The following CERKL variants were observed in gnomAD, a reference collection of about 807,000 sequenced individuals.
The protein encoded by CERKL is ceramide kinase-like protein.
Under a neutral mutation model 63.4 loss-of-function variants are expected in CERKL, and 61 were observed. That is an observed-to-expected ratio of 0.96 (90% confidence interval 0.78 to 1.19). The LOEUF is 1.19. CERKL is among the 50% of genes most tolerant of loss of function. The probability of loss-of-function intolerance (pLI) is 0.00; values close to 1 mark genes in which losing one functional copy is unlikely to be tolerated. For synonymous variants in CERKL, 250 were observed against 230.5 expected (o/e 1.08, Z -0.77); for missense variants, 675 against 655.5 (o/e 1.03, Z -0.33).
At position 181,558,203 on chromosome 2, in the gene CERKL, G is replaced by T. The variant is rs560403696; in HGVS notation, c.820+363C>A. Among the ~76,000 whole-genome samples the T allele has an allele frequency of 1.3e-5, 2 of 152,250 alleles. No individual in the cohort carries two copies. The highest frequency in any genetic ancestry group is 4.8e-5 in the African/African-American group (2 of 41,546). ...AGCTAGACTGGAGTGGCCCTGTTTT[G>T]AAACTTCTTACCTGGTACTGTGTAA... On this transcript the variant is annotated intron_variant, in intron 5 of 12. Transcript: ENST00000410087. This position sits in a 1 kb window ranked among gnomAD's most constrained non-coding sequence, Gnocchi z 4.2.
intron 2 of CERKL, among the ~76,000 whole-genome samples, chr2:181,574,931 G>A (rs1689064798): frequency 6.6e-6 from 1 of 152,110 alleles, no homozygotes; most frequent in Admixed American, 6.6e-5. Context: ...GAAGAGATAG[G>A]GTCATGATAA....
At chr2:181,611,776 T>C (rs1685978825) in intron 1 of CERKL, among the ~76,000 whole-genome samples, 2 of 152,228 alleles carry the variant, frequency 1.3e-5, no homozygotes, top group African/African-American at 4.8e-5. Context: ...ATAGAATACA[T>C]ATGTGTAATG....
chr2:181,587,843 G>A (rs1465748644), intron 2 of CERKL, among the ~76,000 whole-genome samples: 4 of 152,042 alleles, frequency 2.6e-5, no homozygotes, highest in African/African-American at 9.7e-5. Flanking sequence ...GTAATTAGGT[G>A]TGGCTTTTAA....
Position 181,539,144 on chromosome 2 carries a change from G to A in CERKL, c.1486C>T (p.Pro496Ser). 1 of 1,609,258 alleles carries A rather than the reference G, an allele frequency of 6.2e-7. No individual in the cohort carries two copies. The highest frequency in any genetic ancestry group is 2.2e-5 in the East Asian group (1 of 44,770). The change falls in exon 12 of 13, where the codon CCT becomes TCT. Residue 496 changes from proline (P) to serine (S), a missense_variant. Pro to Ser is a moderately conservative substitution (Grantham distance 74, BLOSUM62 -1). Coordinates refer to ENST00000410087, the MANE Select transcript of CERKL (RefSeq NM_201548.5). ...ATTAAGTCACCATCTACATTCCAAG[G>A]GAAACAATTTTCTGAAGCAGTTTCA... ...EDETASENCF[P>S]WNVDGDLMEV...
intron 2 of CERKL, among the ~76,000 whole-genome samples, chr2:181,586,027 G>A (rs893700232): frequency 1.2e-4 from 18 of 152,088 alleles, no homozygotes; most frequent in Non-Finnish European, 1.9e-4. Context: ...GAAAGATGAA[G>A]CCAAGACAAA....
intron 2 of CERKL, among the ~76,000 whole-genome samples, chr2:181,602,091 T>C (rs891932904): frequency 6.6e-6 from 1 of 152,226 alleles, no homozygotes; most frequent in African/African-American, 2.4e-5. Context: ...GTTTTTGTTT[T>C]TGACAAGTCC....
chr2:181,641,302 CATATATATATATATATATATATATAT>C (rs1174454591), intron 1 of CERKL, among the ~76,000 whole-genome samples: 10 of 97,116 alleles, frequency 1.0e-4, no homozygotes, highest in Non-Finnish European at 2.1e-5. Flanking sequence ...TATGTGTATG[CATATATATATATATATATATATATAT>C]ATATATATAT....
chr2:181,616,206 A>ATTTTTTTTT (rs35040208), intron 1 of CERKL, among the ~76,000 whole-genome samples: 1 of 110,072 alleles, frequency 9.1e-6, no homozygotes, highest in African/African-American at 3.9e-5. Context: ...AAAAATCTAA[A>ATTTTTTTTT]TTTTTTTTTT....
In CERKL at chr2:181,537,224, C is replaced by CAGGATGGTCTCTAAGGAAATTTACATTT; in HGVS notation, c.*932_*959dup. 2.2e-6 allele frequency: 1 copy of CAGGATGGTCTCTAAGGAAATTTACATTT among 452,934 alleles called. No homozygotes were observed. Among genetic ancestry groups the CAGGATGGTCTCTAAGGAAATTTACATTT allele is most frequent in the South Asian group, 1.6e-5 (1 of 64,470 alleles). 28.1% of individuals were successfully genotyped at this position (452,934 alleles called of 1,614,324 possible). Reference sequence around the variant, plus strand: ...AGCCCCGATTTAGAACTGTCTTCTCCAGGATGGTCTCTAAGGAAATTTACA... The same window carrying CAGGATGGTCTCTAAGGAAATTTACATTT: ...AGCCCCGATTTAGAACTGTCTTCTCCAGGATGGTCTCTAAGGAAATTTACATTTAGGATGGTCTCTAAGGAAATTTACA... On this transcript the variant is annotated 3_prime_UTR_variant, in exon 13 of 13. Transcript: ENST00000410087.
intron 1 of CERKL, among the ~76,000 whole-genome samples, chr2:181,614,453 C>T (rs953678688): frequency 2.6e-5 from 4 of 152,200 alleles, no homozygotes; most frequent in Non-Finnish European, 5.9e-5. Flanking sequence ...CTTATCTATA[C>T]ACCTTTACGG....
chr2:181,625,354 G>A (rs1269272919), intron 1 of CERKL, among the ~76,000 whole-genome samples: 8 of 151,768 alleles, frequency 5.3e-5, no homozygotes, highest in African/African-American at 1.9e-4. Context: ...AGAAAGTTGG[G>A]GGGTGGGGTG....
intron 1 of CERKL, among the ~76,000 whole-genome samples, chr2:181,626,177 A>G (rs967409663): frequency 3.9e-5 from 6 of 152,344 alleles, no homozygotes; most frequent in East Asian, 1.9e-4. Context: ...CTATTATAAT[A>G]CTTCATTTGA....
chr2:181,597,473 GGAAA>G (rs974117729), intron 2 of CERKL, among the ~76,000 whole-genome samples: 8 of 152,290 alleles, frequency 5.3e-5, no homozygotes, highest in Middle Eastern at 6.8e-3. Context: ...GGAAAACTGG[GGAAA>G]GAGAGCCAGG....
intron 1 of CERKL, chr2:181,650,077 AGAAGGGAGGGAGGGAGGGAGGGAG>A (rs2105540242): frequency 1.1e-5 from 1 of 89,432 alleles, no homozygotes; most frequent in South Asian, 4.9e-4. Flanking sequence ...AAAGCAATAC[AGAAGGGAGGGAGGGAGGGAGGGAG>A]GGAGGGAGGG....
At chr2:181,579,605 G>T (rs1278785120) in intron 2 of CERKL, among the ~76,000 whole-genome samples, 3 of 151,792 alleles carry the variant, frequency 2.0e-5, no homozygotes, top group Non-Finnish European at 4.4e-5. Context: ...CGCTTACACG[G>T]ACCTATATTT....
At chr2:181,575,343 A>C (rs941042219) in intron 2 of CERKL, among the ~76,000 whole-genome samples, 11 of 152,198 alleles carry the variant, frequency 7.2e-5, no homozygotes, top group Admixed American at 3.9e-4. Context: ...TTCCTCTGTT[A>C]CACGCGTTAA....
intron 4 of CERKL, among the ~76,000 whole-genome samples, chr2:181,560,117 A>C (rs1439600776): frequency 6.6e-6 from 1 of 152,138 alleles, no homozygotes; most frequent in Non-Finnish European, 1.5e-5. Flanking sequence ...CATCTTTATG[A>C]ATGAAAAAAA....
intron 2 of CERKL, among the ~76,000 whole-genome samples, chr2:181,592,950 T>C (rs983612288): frequency 6.6e-6 from 1 of 152,152 alleles, no homozygotes; most frequent in African/African-American, 2.4e-5. Context: ...TGCTTAATCT[T>C]GGTCTCAAAG....
At chr2:181,539,021 AGAG>A in intron 12 of CERKL, 68 bp downstream of exon 12, 1 of 1,136,442 alleles carries the variant, frequency 8.8e-7, no homozygotes, top group Non-Finnish European at 1.3e-6. Context: ...AGTTCAGAGA[AGAG>A]AGCTTTCGTT....
Sources: gnomAD v4.1 joint callset for allele counts (sites outside exome capture counted in the v4.1 genomes callset) on GRCh38, gnomAD v4.1.1 for gene constraint, Gnocchi (gnomAD v3.1) non-coding constraint, MANE v1.5 for transcripts, NCBI Gene and HGNC (gene_info 2026-07-23, HGNC 2026-07-21) for gene names.